Variants in TSHZ3 observed in about 807,000 individuals in gnomAD.
The protein encoded by TSHZ3 is teashirt homolog 3.
TSHZ3 carries 10 observed loss-of-function variants against 64.5 expected under a neutral mutation model. That is an observed-to-expected ratio of 0.16 (90% CI 0.10 to 0.26). TSHZ3 has a LOEUF of 0.26. Ranked by LOEUF, TSHZ3 falls within the 10% of genes least tolerant of loss-of-function variation. TSHZ3 has a pLI of 1.00. For synonymous variants in TSHZ3, 608 were observed against 593.1 expected (o/e 1.03, Z -0.36); for missense variants, 1,242 against 1,421.7 (o/e 0.87, Z 2.03).
chr19:31,254,101 C>T (rs1975877254), intron 1 of TSHZ3, among the ~76,000 whole-genome samples: 1 of 152,130 alleles, frequency 6.6e-6, no homozygotes, highest in Admixed American at 6.5e-5. Context: ...GGTACCTTGC[C>T]AGGCAGGTCC....
intron 1 of TSHZ3, among the ~76,000 whole-genome samples, chr19:31,260,240 C>T (rs939986272): frequency 1.3e-5 from 2 of 152,146 alleles, no homozygotes; most frequent in African/African-American, 4.8e-5. Flanking sequence ...TCCCCTCTTG[C>T]TCTGTCCTGC....
chr19:31,310,919 G>A (rs1402060611), intron 1 of TSHZ3, among the ~76,000 whole-genome samples: 1 of 152,238 alleles, frequency 6.6e-6, no homozygotes, highest in East Asian at 1.9e-4. Context: ...GATTCCTGCA[G>A]TGACAAGGCC....
rs921882316 is a variant in TSHZ3 at position 31,330,707 on chromosome 19, G to C, written c.40+18473C>G. Among the ~76,000 whole-genome samples, 145 of 100,294 alleles carry C rather than the reference G, an allele frequency of 1.4e-3. 1 individual carries two copies. Among genetic ancestry groups the C allele is most frequent in the East Asian group, 2.2e-3 (7 of 3,244 alleles). 65.8% of individuals were successfully genotyped at this position (100,294 alleles called of 152,430 possible). On this transcript the variant is annotated intron_variant, in intron 1 of 1. Coordinates refer to ENST00000240587, the MANE Select transcript of TSHZ3 (RefSeq NM_020856.4). ...GGAGCCAAGTGCTGTTTAATCCTTG[G>C]GCGGGGGGAGGAAAGTCCAGAACAC...
chr19:31,156,145 T>A (rs1974303030), intron 6 of TSHZ3, among the ~76,000 whole-genome samples: 1 of 152,232 alleles, frequency 6.6e-6, no homozygotes, highest in Admixed American at 6.5e-5. Context: ...TTGCCTATTC[T>A]GCTTATTGTT....
intron 4 of TSHZ3, among the ~76,000 whole-genome samples, chr19:31,227,911 T>G (rs561241884): frequency 6.6e-6 from 1 of 152,196 alleles, no homozygotes. Flanking sequence ...TGAAATCTTA[T>G]TGGTTTATTT....
intron 1 of TSHZ3, among the ~76,000 whole-genome samples, chr19:31,333,679 T>A (rs2037840057): frequency 6.6e-6 from 1 of 152,068 alleles, no homozygotes; most frequent in East Asian, 2.0e-4. Flanking sequence ...CCCGGGGGAC[T>A]TTACAGTGGG....
intron 5 of TSHZ3, among the ~76,000 whole-genome samples, chr19:31,174,087 C>CA (rs1045236670): frequency 2.0e-5 from 3 of 151,898 alleles, no homozygotes; most frequent in African/African-American, 4.8e-5. Context: ...AACAAACAAA[C>CA]AAAAAAAAAA....
chr19:31,259,902 C>T lies in TSHZ3; in HGVS notation n.64-17027G>A, dbSNP rs146362177. 1.4e-3 allele frequency among the ~76,000 whole-genome samples: 215 copies of T among 152,264 alleles called. 2 individuals carry two copies. Among genetic ancestry groups the T allele is most frequent in the Middle Eastern group, 0.01 (3 of 294 alleles). ...AAAATCCTTAGAGAAAGCCCAAGAT[C>T]CCAGGTCTCTTGTGGGACCAAAATA... On this transcript the variant is annotated intron_variant and non_coding_transcript_variant, in intron 1 of 6. Coordinates refer to the TSHZ3 transcript ENST00000651361.
intron 1 of TSHZ3, among the ~76,000 whole-genome samples, chr19:31,283,281 C>T (rs1477417997): frequency 1.3e-5 from 2 of 152,116 alleles, no homozygotes; most frequent in African/African-American, 4.8e-5. Flanking sequence ...TGCAAGTGAG[C>T]CATGACCCAC....
intron 1 of TSHZ3, among the ~76,000 whole-genome samples, chr19:31,266,646 C>T (rs944268172): frequency 2.6e-5 from 4 of 152,156 alleles, no homozygotes; most frequent in African/African-American, 7.2e-5. Flanking sequence ...AGAGCAACAC[C>T]CTGTCTCCAA....
At chr19:31,322,797 T>C (rs1032695622) in intron 1 of TSHZ3, among the ~76,000 whole-genome samples, 5 of 152,204 alleles carry the variant, frequency 3.3e-5, no homozygotes, top group Non-Finnish European at 5.9e-5. Context: ...AGTGAATGAA[T>C]GAATGAATGA....
At chr19:31,230,857 G>A (rs555763575) in intron 3 of TSHZ3, among the ~76,000 whole-genome samples, 5 of 151,464 alleles carry the variant, frequency 3.3e-5, no homozygotes, top group East Asian at 2.0e-4. Flanking sequence ...CTGCCACCAC[G>A]CGCGGCTAAT....
chr19:31,274,348 G>C (rs1976188229), downstream of TSHZ3, among the ~76,000 whole-genome samples: 1 of 152,038 alleles, frequency 6.6e-6, no homozygotes, highest in Admixed American at 6.5e-5. Flanking sequence ...TCATATAAAT[G>C]CTCTCCCCCT....
In TSHZ3 at chr19:31,278,250, T is replaced by A. The variant is rs999702620; in HGVS notation, c.1543A>T (p.Ser515Cys). 1 of 1,614,218 alleles carries A rather than the reference T, an allele frequency of 6.2e-7. No homozygotes were observed. The highest frequency in any genetic ancestry group is 8.5e-7 in the Non-Finnish European group (1 of 1,180,052). ...HYLTENDLEE[S>C]PKGGLDILKS... ...AGGATATCAAGCCCCCCCTTGGGACTCTCTTCTAAGTCATTTTCAGTCAAG... is the reference window on the plus strand; with the variant it reads ...AGGATATCAAGCCCCCCCTTGGGACACTCTTCTAAGTCATTTTCAGTCAAG... Residue 515 changes from serine to cysteine, a missense_variant, in exon 2 of 2, where the codon AGT becomes TGT. Transcript: ENST00000240587. The surrounding 1 kb of genome is among the most constrained non-coding windows in gnomAD (Gnocchi z 4.7).
chr19:31,188,457 G>A (rs1677929200), intron 5 of TSHZ3, among the ~76,000 whole-genome samples: 1 of 151,824 alleles, frequency 6.6e-6, no homozygotes, highest in African/African-American at 2.4e-5. Flanking sequence ...TTTGATATTA[G>A]GGGAACTCTA....
intron 1 of TSHZ3, among the ~76,000 whole-genome samples, chr19:31,338,380 T>C (rs3760828): frequency 0.15 from 22,508 of 152,068 alleles, 2,175 homozygotes; most frequent in East Asian, 0.47. Flanking sequence ...GGGACAGAGC[T>C]CAGACACAAA....
intron 1 of TSHZ3, among the ~76,000 whole-genome samples, chr19:31,301,180 G>C (rs1976750418): frequency 6.6e-6 from 1 of 152,048 alleles, no homozygotes; most frequent in African/African-American, 2.4e-5. Flanking sequence ...GTGGATTGCG[G>C]GGGATTTCAG....
intron 1 of TSHZ3, 61 bp downstream of exon 1, chr19:31,349,119 G>A: frequency 1.3e-6 from 2 of 1,515,726 alleles, no homozygotes; most frequent in Non-Finnish European, 8.8e-7. Context: ...GCCCGCTGGA[G>A]GCGCGGGGCG....
chr19:31,340,578 C>T (rs911580530), intron 1 of TSHZ3, among the ~76,000 whole-genome samples: 1 of 152,146 alleles, frequency 6.6e-6, no homozygotes, highest in Non-Finnish European at 1.5e-5. Context: ...AAAGCCTTGG[C>T]GGTGAGGAGA....
Sources: gnomAD v4.1 joint callset for allele counts (sites outside exome capture counted in the v4.1 genomes callset) on GRCh38, gnomAD v4.1.1 for gene constraint, Gnocchi (gnomAD v3.1) non-coding constraint, MANE v1.5 for transcripts, NCBI Gene and HGNC (gene_info 2026-07-23, HGNC 2026-07-21) for gene names.